The following DHCR7 variants were observed in gnomAD, a reference collection of about 807,000 sequenced individuals.
The protein encoded by DHCR7 is 7-dehydrocholesterol reductase.
Under a neutral mutation model 43.3 loss-of-function variants are expected in DHCR7, and 40 were observed. That is an observed-to-expected ratio of 0.92 (90% CI 0.72 to 1.20). The LOEUF (loss-of-function observed/expected upper bound fraction) is 1.20, where lower values mean the gene tolerates loss of function less well. Among genes scored for constraint, DHCR7 ranks in the 50% most tolerant of loss-of-function variants. The pLI, the probability that DHCR7 is intolerant of heterozygous loss-of-function variation, is 0.00. For synonymous variants in DHCR7, 298 were observed against 271.4 expected (o/e 1.10, Z -0.96); for missense variants, 608 against 644.6 (o/e 0.94, Z 0.62).
At chr11:71,437,129 G>A (rs1274267833) in intron 8 of DHCR7, among the ~76,000 whole-genome samples, 1 of 152,146 alleles carries the variant, frequency 6.6e-6, no homozygotes, top group Non-Finnish European at 1.5e-5. Flanking sequence ...CAGGACACCC[G>A]CACCTCCATC....
chr11:71,435,768 C>T lies in DHCR7; in HGVS notation c.1035G>A (p.Leu345=). The change falls in exon 9 of 9, where the codon CTG becomes CTA. Residue 345 remains leucine (L), a synonymous_variant. Transcript: ENST00000355527. ...CCACCCGGAAGATGTAGTAGCCCACCAGGCCCAGCAGCAGGACGCCCACGG... is the reference window on the plus strand; with the variant it reads ...CCACCCGGAAGATGTAGTAGCCCACTAGGCCCAGCAGCAGGACGCCCACGG... The part of the protein sequence containing the change: ...PHAVGVLLLG[L]VGYYIFRVAN... The T allele has an allele frequency of 1.9e-6, 3 of 1,609,712 alleles. No individual in the cohort carries two copies. The highest frequency in any genetic ancestry group is 2.5e-6 in the Non-Finnish European group (3 of 1,177,224).
In DHCR7 at chr11:71,435,321, C is replaced by G. The variant is rs1949260570; in HGVS notation, c.*54G>C. On this transcript the variant is annotated 3_prime_UTR_variant, in exon 9 of 9. Transcript: ENST00000355527. ...GAGCTGGGATGCCAGCCCCCATGGA[C>G]CTGGCAGAACACGCTCTTGACAGCC... 1.3e-6 allele frequency: 2 copies of G among 1,569,972 alleles called. No individual in the cohort carries two copies. The highest frequency in any genetic ancestry group is 2.2e-5 in the East Asian group (1 of 44,698).
intron 7 of DHCR7, 34 bp from the exon 8 acceptor site, chr11:71,437,977 GC>G (rs1304660848): frequency 1.2e-6 from 2 of 1,608,642 alleles, no homozygotes; most frequent in East Asian, 2.2e-5. Context: ...ACCACCCCCG[GC>G]CCTCCTGGGG....
At chr11:71,438,075 G>A (rs1949307503) in intron 7 of DHCR7, 132 bp from the exon 8 acceptor site, 1 of 1,083,686 alleles carries the variant, frequency 9.2e-7, no homozygotes, top group East Asian at 2.5e-5. Context: ...CAATGCTGGG[G>A]CTGTTCCTTC....
At chr11:71,444,386 A>G in intron 3 of DHCR7, 171 bp from the exon 4 acceptor site, 1 of 645,528 alleles carries the variant, frequency 1.5e-6, no homozygotes, top group Non-Finnish European at 2.8e-6. Context: ...GCCACTCAAC[A>G]TGCCTGCTCT....
intron 8 of DHCR7, 93 bp from the exon 9 acceptor site, chr11:71,435,932 C>A: frequency 9.8e-7 from 1 of 1,016,872 alleles, no homozygotes; most frequent in East Asian, 2.6e-5. Context: ...GGGTCAAACC[C>A]CAGCTCTGCC....
chr11:71,432,770 G>T (rs901788098), downstream of DHCR7, among the ~76,000 whole-genome samples: 2 of 152,174 alleles, frequency 1.3e-5, no homozygotes, highest in African/African-American at 2.4e-5. Context: ...GGGGTGAGTT[G>T]CTTTAAACCC....
rs1173707321 is a variant in DHCR7 at position 71,435,833 on chromosome 11, A to G, written c.970T>C (p.Tyr324His). 5 of 1,602,810 alleles carry G rather than the reference A, an allele frequency of 3.1e-6. No homozygotes were observed. Among genetic ancestry groups the G allele is most frequent in the African/African-American group, 1.3e-5 (1 of 74,950 alleles). ...LPYLYTLQGL[Y>H]LVYHPVQLST... ...AGCTGCACGGGGTGGTACACCAAGT[A>G]CAGACCCTGGGGGGCGAGGGGGAAG... Residue 324 changes from tyrosine (Y) to histidine (H), a missense_variant, in exon 9 of 9, where the codon TAC (tyrosine) becomes CAC (histidine). Coordinates refer to ENST00000355527, the MANE Select transcript of DHCR7 (RefSeq NM_001360.3).
At chr11:71,446,721 C>A (rs578078373) in intron 2 of DHCR7, among the ~76,000 whole-genome samples, 1 of 152,366 alleles carries the variant, frequency 6.6e-6, no homozygotes, top group East Asian at 1.9e-4. Context: ...AACTTCAGTA[C>A]CCGCACTTCA....
intron 4 of DHCR7, 31 bp from the exon 5 acceptor site, chr11:71,442,384 C>T (rs542879175): frequency 8.0e-5 from 123 of 1,535,762 alleles, no homozygotes; most frequent in Admixed American, 2.5e-4. Context: ...GATCACCCCC[C>T]GCCTGGAGGG....
Position 71,435,407 on chromosome 11 carries a change from C to T in DHCR7, c.1396G>A (p.Val466Met), listed in dbSNP as rs760428437. 9.9e-6 allele frequency: 16 copies of T among 1,612,484 alleles called. No individual in the cohort carries two copies. Among genetic ancestry groups the T allele is most frequent in the Non-Finnish European group, 1.4e-5 (16 of 1,180,010 alleles). ...GRDWERYTAA[V>M]PYRLLPGIF The stretch of plus-strand genomic sequence containing the variant: ...ATTCCAGGCAGCAGGCGGTAAGGCA[C>T]TGCGGCGGTGTAGCGCTCCCAGTCC... Residue 466 changes from valine (V) to methionine (M), a missense_variant, in exon 9 of 9, where the codon GTG becomes ATG. By Grantham distance (21) the Val-to-Met change is conservative. Transcript: ENST00000355527.
chr11:71,438,032 A>AG, intron 7 of DHCR7, 89 bp from the exon 8 acceptor site: 1 of 1,512,086 alleles, frequency 6.6e-7, no homozygotes, highest in Non-Finnish European at 9.1e-7. Flanking sequence ...CAGATGCAGC[A>AG]GGGGGTGCTC....
Position 71,438,896 on chromosome 11 carries a change from G to C in DHCR7, c.814C>G (p.Leu272Val). ...LHSHVTNAMVLVNVLQAIYVI... is the reference protein window; with the variant it reads ...LHSHVTNAMVVVNVLQAIYVI... ...ACAGGCACCTGCAGGACGTTGACCA[G>C]GACCATGGCATTGGTCACATGGCTG... The change falls in exon 7 of 9, where the codon CTG becomes GTG. Residue 272 changes from leucine (L) to valine (V), a missense_variant. Leu to Val is a conservative substitution (Grantham distance 32). Transcript: ENST00000355527. The C allele has an allele frequency of 6.2e-7, 1 of 1,613,840 alleles. No individual in the cohort carries two copies. The highest frequency in any genetic ancestry group is 1.1e-5 in the South Asian group (1 of 91,084).
chr11:71,428,922 T>C (rs1182210516), intron 2 of DHCR7: 1 of 453,084 alleles, frequency 2.2e-6, no homozygotes, highest in African/African-American at 2.0e-5. Flanking sequence ...AAAAAAATAA[T>C]AACCATGTAA....
chr11:71,435,348 C>T lies in DHCR7; in HGVS notation c.*27G>A. 1.2e-6 allele frequency: 2 copies of T among 1,608,386 alleles called. No individual in the cohort carries two copies. Among genetic ancestry groups the T allele is most frequent in the East Asian group, 2.2e-5 (1 of 44,860 alleles). On this transcript the variant is annotated 3_prime_UTR_variant, in exon 9 of 9. Transcript: ENST00000355527. ...TGGCAGAACACGCTCTTGACAGCCCCACAGGGCTTCTCCCTAGGGCGTGCC... is the reference window on the plus strand; with the variant it reads ...TGGCAGAACACGCTCTTGACAGCCCTACAGGGCTTCTCCCTAGGGCGTGCC...
chr11:71,430,963 T>C (rs1949224983), downstream of DHCR7, among the ~76,000 whole-genome samples: 1 of 152,228 alleles, frequency 6.6e-6, no homozygotes. Flanking sequence ...GAGACCAGCC[T>C]GACCAACATG....
intron 4 of DHCR7, 90 bp from the exon 5 acceptor site, chr11:71,442,443 G>A: frequency 1.0e-6 from 1 of 959,008 alleles, no homozygotes; most frequent in African/African-American, 1.6e-5. Context: ...CACAATCATA[G>A]TCTTTTTCTT....
downstream of DHCR7, among the ~76,000 whole-genome samples, chr11:71,429,666 G>A (rs1171636655): frequency 6.6e-6 from 1 of 152,172 alleles, no homozygotes; most frequent in Non-Finnish European, 1.5e-5. Flanking sequence ...TTCAGATGCT[G>A]AGTGAGGTGT....
At chr11:71,440,340 G>A (rs765520873) in intron 6 of DHCR7, among the ~76,000 whole-genome samples, 1 of 152,166 alleles carries the variant, frequency 6.6e-6, no homozygotes, top group African/African-American at 2.4e-5. Context: ...GATGGATGAC[G>A]GGCAGGTGGA....
Sources: allele counts gnomAD v4.1 joint callset (sites outside exome capture counted in the v4.1 genomes callset), GRCh38; gene constraint gnomAD v4.1.1; transcripts MANE v1.5; gene names NCBI Gene and HGNC (gene_info 2026-07-23, HGNC 2026-07-21).